TSNARE1: variants seen among roughly 807,000 people sequenced by gnomAD.
TSNARE1 encodes the protein t-SNARE domain containing 1.
In TSNARE1, 49 loss-of-function variants were observed where a neutral mutation model predicts 62.0. The ratio of observed to expected loss-of-function variants is 0.79; its 90% CI spans 0.63 to 1.00. The LOEUF (loss-of-function observed/expected upper bound fraction) is 1.00, where lower values mean the gene tolerates loss of function less well. TSNARE1 is among the 50% of genes least tolerant of loss of function. TSNARE1 has a pLI of 0.00. For synonymous variants in TSNARE1, 328 were observed against 294.4 expected, an observed-to-expected ratio of 1.11 and a Z score of -1.17; for missense variants, 755 against 700.1, an observed-to-expected ratio of 1.08 and a Z score of -0.88.
chr8:142,381,636 G>T (rs912772171), intron 1 of TSNARE1, among the ~76,000 whole-genome samples: 1 of 152,188 alleles, frequency 6.6e-6, no homozygotes, highest in African/African-American at 2.4e-5. Context: ...GAGAAGGGCA[G>T]CACCCAGGGG....
intron 12 of TSNARE1, among the ~76,000 whole-genome samples, chr8:142,255,980 C>T (rs1375470132): frequency 4.6e-5 from 4 of 86,064 alleles, no homozygotes; most frequent in Non-Finnish European, 1.0e-4. Context: ...ACCATCACCA[C>T]CACCACCACC....
chr8:142,368,487 C>A (rs1196503747), intron 1 of TSNARE1, among the ~76,000 whole-genome samples: 1 of 152,196 alleles, frequency 6.6e-6, no homozygotes, highest in Non-Finnish European at 1.5e-5. Context: ...GCTGAAGCGT[C>A]AGGGCCATGG....
At chr8:142,222,675 T>C (rs1460387287) in intron 13 of TSNARE1, among the ~76,000 whole-genome samples, 1 of 86,032 alleles carries the variant, frequency 1.2e-5, no homozygotes, top group Non-Finnish European at 2.2e-5. Flanking sequence ...CACTCACTCA[T>C]CCACTCATCC....
At chr8:142,346,091 T>C (rs945131175) in intron 2 of TSNARE1, among the ~76,000 whole-genome samples, 199 bp from the exon 3 acceptor site, 3 of 152,204 alleles carry the variant, frequency 2.0e-5, no homozygotes, top group African/African-American at 7.2e-5. Context: ...TTCAGAACTT[T>C]AGGTGTTCCG....
intron 4 of TSNARE1, among the ~76,000 whole-genome samples, chr8:142,334,264 T>C (rs1317119462): frequency 6.6e-6 from 1 of 152,214 alleles, no homozygotes; most frequent in African/African-American, 2.4e-5. Flanking sequence ...TGTGCTGGAG[T>C]CTCTGAGCCT....
chr8:142,270,140 C>T (rs1819389551), intron 12 of TSNARE1: 2 of 985,442 alleles, frequency 2.0e-6, no homozygotes, highest in Middle Eastern at 5.2e-4. Flanking sequence ...CGCTCCTGCT[C>T]GCTCCCGACG....
At chr8:142,377,508 A>G (rs1836430225) in intron 1 of TSNARE1, among the ~76,000 whole-genome samples, 1 of 152,210 alleles carries the variant, frequency 6.6e-6, no homozygotes, top group South Asian at 2.1e-4. Flanking sequence ...TTCAGACATA[A>G]CATGAACTAA....
intron 2 of TSNARE1, among the ~76,000 whole-genome samples, chr8:142,352,978 A>G (rs958651871): frequency 2.6e-5 from 4 of 152,114 alleles, no homozygotes; most frequent in African/African-American, 9.7e-5. Flanking sequence ...ATTTTTAAAC[A>G]TAAAATAGAT....
chr8:142,256,250 CCAT>C (rs1304593705), intron 12 of TSNARE1, among the ~76,000 whole-genome samples: 25 of 124,362 alleles, frequency 2.0e-4, no homozygotes, highest in African/African-American at 7.0e-4. Flanking sequence ...ATCACCATCA[CCAT>C]CATCACCATC....
At chr8:142,338,211 A>T (rs1344612931) in intron 4 of TSNARE1, among the ~76,000 whole-genome samples, 1 of 152,190 alleles carries the variant, frequency 6.6e-6, no homozygotes, top group Non-Finnish European at 1.5e-5. Flanking sequence ...CACGCTCCCC[A>T]CCAGTGCTGC....
intron 9 of TSNARE1, among the ~76,000 whole-genome samples, chr8:142,311,686 A>C (rs1165157948): frequency 2.0e-5 from 3 of 152,160 alleles, no homozygotes; most frequent in Admixed American, 2.0e-4. Context: ...GAAAACTCTC[A>C]ATCGTTACCT....
intron 1 of TSNARE1, among the ~76,000 whole-genome samples, chr8:142,398,476 C>T (rs1838058496): frequency 6.6e-6 from 1 of 152,120 alleles, no homozygotes; most frequent in Non-Finnish European, 1.5e-5. Flanking sequence ...CCCCTCTCCA[C>T]CTCCTCACTC....
intron 4 of TSNARE1, among the ~76,000 whole-genome samples, chr8:142,340,934 G>A (rs1184214279): frequency 6.6e-6 from 1 of 152,278 alleles, no homozygotes; most frequent in Non-Finnish European, 1.5e-5. Context: ...AAGGGGCAGT[G>A]TGTACTGGCT....
chr8:142,276,217 T>C, intron 11 of TSNARE1: 4 of 985,438 alleles, frequency 4.1e-6, no homozygotes, highest in Non-Finnish European at 4.8e-6. Flanking sequence ...GGTGACGGCC[T>C]CGGCCGCTCC....
At chr8:142,265,783 C>T (rs1201876354) in intron 12 of TSNARE1, among the ~76,000 whole-genome samples, 1 of 152,204 alleles carries the variant, frequency 6.6e-6, no homozygotes, top group Non-Finnish European at 1.5e-5. Flanking sequence ...GCAGTGGCAT[C>T]GCGGTGTGGG....
At chr8:142,398,486 C>T (rs1304045678) in intron 1 of TSNARE1, among the ~76,000 whole-genome samples, 1 of 152,112 alleles carries the variant, frequency 6.6e-6, no homozygotes, top group Non-Finnish European at 1.5e-5. Flanking sequence ...CCTCCTCACT[C>T]CACCGCCTCA....
chr8:142,279,674 T>C (rs1195209217), intron 11 of TSNARE1, among the ~76,000 whole-genome samples: 1 of 151,966 alleles, frequency 6.6e-6, no homozygotes. Flanking sequence ...CCCCGACCCT[T>C]GGTTTCCCCA....
intron 13 of TSNARE1, among the ~76,000 whole-genome samples, chr8:142,218,563 G>A (rs1399442131): frequency 2.6e-5 from 4 of 152,156 alleles, no homozygotes; most frequent in African/African-American, 7.2e-5. Flanking sequence ...GCCACCCCTC[G>A]ATGAAGAGCC....
At chr8:142,373,095 GGACTGT>G (rs1237924530) in intron 1 of TSNARE1, among the ~76,000 whole-genome samples, 2 of 152,142 alleles carry the variant, frequency 1.3e-5, no homozygotes, top group Admixed American at 1.3e-4. Flanking sequence ...TCTCTCTCTC[GGACTGT>G]GTCTGTGTCT....
Sources: allele counts gnomAD v4.1 joint callset (sites outside exome capture counted in the v4.1 genomes callset), GRCh38; gene constraint gnomAD v4.1.1; transcripts MANE v1.5; gene names NCBI Gene and HGNC (gene_info 2026-07-23, HGNC 2026-07-21).